RAP1GAP2: variants seen among roughly 807,000 people sequenced by gnomAD.
RAP1GAP2 encodes RAP1 GTPase activating protein 2.
A neutral mutation model predicts 95.0 loss-of-function variants in RAP1GAP2; 27 were observed. The observed-to-expected ratio is 0.28, with a 90% CI of 0.21 to 0.39. The LOEUF is 0.39. Among genes scored for constraint, RAP1GAP2 ranks in the 10% least tolerant of loss-of-function variants. RAP1GAP2 has a pLI of 1.00. For missense variants in RAP1GAP2, 771 were observed against 970.0 expected (o/e 0.79, Z 2.72); for synonymous variants, 373 against 380.9 (o/e 0.98, Z 0.24).
At chr17:2,962,593 A>G (rs990041597) in intron 4 of RAP1GAP2, 77 bp from the exon 5 acceptor site, 2 of 1,441,026 alleles carry the variant, frequency 1.4e-6, no homozygotes, top group Admixed American at 4.3e-5. Context: ...AACCCCCTGT[A>G]AGGCCAGGTG....
intron 2 of RAP1GAP2, among the ~76,000 whole-genome samples, chr17:2,865,860 C>G (rs1323466683): frequency 6.6e-6 from 1 of 152,246 alleles, no homozygotes. Context: ...GCATCTGCCC[C>G]TCTCTTTCCC....
At chr17:2,970,160 G>A (rs112071626) in intron 8 of RAP1GAP2, among the ~76,000 whole-genome samples, 25 of 151,722 alleles carry the variant, frequency 1.6e-4, no homozygotes, top group African/African-American at 5.8e-4. Context: ...TGTAACCCTA[G>A]CTACTCGGGA....
intron 17 of RAP1GAP2, among the ~76,000 whole-genome samples, chr17:3,015,072 C>A (rs959630221): frequency 2.0e-5 from 3 of 152,194 alleles, no homozygotes; most frequent in Admixed American, 1.3e-4. Flanking sequence ...TGTGCCACCA[C>A]CCCTGTCCTG....
rs540325159 is a variant in RAP1GAP2 at position 2,763,557 on chromosome 17, G to A, written c.51-6772G>A. On this transcript the variant is annotated intron_variant, in intron 1 of 25. Transcript: ENST00000637138. The stretch of plus-strand genomic sequence containing the variant: ...CTAAAAATGCACAAATTAGCTGGGC[G>A]TGGTGGCGGGTGCCTGTAATCCCAG... 7.9e-5 allele frequency among the ~76,000 whole-genome samples: 12 copies of A among 152,148 alleles called. No individual in the cohort carries two copies. The East Asian group carries it at 1.5e-3, about 20-fold the overall frequency.
chr17:2,882,646 T>G (rs1479707493), intron 2 of RAP1GAP2, among the ~76,000 whole-genome samples: 1 of 152,194 alleles, frequency 6.6e-6, no homozygotes, highest in Admixed American at 6.5e-5. Flanking sequence ...GATGGTTGAT[T>G]GGCTTTTCAT....
intron 16 of RAP1GAP2, among the ~76,000 whole-genome samples, chr17:3,006,848 G>A (rs2046357544): frequency 6.6e-6 from 1 of 151,776 alleles, no homozygotes; most frequent in Admixed American, 6.6e-5. Context: ...GTCGGGGGGT[G>A]GGGCAGGGGG....
At chr17:2,838,000 T>C (rs112307641) in intron 2 of RAP1GAP2, among the ~76,000 whole-genome samples, 21,935 of 145,988 alleles carry the variant, frequency 0.15, 1,883 homozygotes, top group Non-Finnish European at 0.18. Context: ...ATGATGTTCA[T>C]GTTCTTTCTT....
rs2072789306 is a variant in RAP1GAP2, at chr17:2,870,253, A to T, written c.81-35031A>T. ...TGCCTTAGCCTCCCGAGTAGCTGGG[A>T]TTACAGGCGCCCACCACCACACCTG... On this transcript the variant is annotated intron_variant, in intron 2 of 24. Coordinates refer to ENST00000254695, the MANE Select transcript of RAP1GAP2 (RefSeq NM_015085.5). This position sits in a 1 kb window ranked among gnomAD's most constrained non-coding sequence, Gnocchi z 4.4. Among the ~76,000 whole-genome samples, 1 of 151,338 alleles carries T rather than the reference A, an allele frequency of 6.6e-6. No individual in the cohort carries two copies.
chr17:2,866,563 A>G lies in RAP1GAP2; in HGVS notation c.81-38721A>G, dbSNP rs953935357. Reference sequence around the variant, plus strand: ...GTGAGGCAGTAGATAATACCCCCAAATGTCCCTTCTGATTGGTAATTTATT... The same window carrying G: ...GTGAGGCAGTAGATAATACCCCCAAGTGTCCCTTCTGATTGGTAATTTATT... On this transcript the variant is annotated intron_variant, in intron 2 of 24. Coordinates refer to ENST00000254695, the MANE Select transcript of RAP1GAP2 (RefSeq NM_015085.5). This position sits in a 1 kb window ranked among gnomAD's most constrained non-coding sequence, Gnocchi z 4.0. 3.9e-5 allele frequency among the ~76,000 whole-genome samples: 6 copies of G among 152,066 alleles called. No individual in the cohort carries two copies. Among genetic ancestry groups the G allele is most frequent in the Non-Finnish European group, 7.4e-5 (5 of 67,988 alleles).
chr17:2,884,150 G>A (rs972323703), intron 2 of RAP1GAP2, among the ~76,000 whole-genome samples: 1 of 152,198 alleles, frequency 6.6e-6, no homozygotes, highest in Non-Finnish European at 1.5e-5. Flanking sequence ...TGCATTGCAA[G>A]TGAGAAGCAT....
intron 14 of RAP1GAP2, among the ~76,000 whole-genome samples, chr17:2,999,307 G>A (rs938561529): frequency 6.6e-6 from 1 of 152,186 alleles, no homozygotes; most frequent in African/African-American, 2.4e-5. Context: ...ACTCAAGGGC[G>A]TTGGACTGAG....
At chr17:2,784,225 G>A (rs913247815) in intron 1 of RAP1GAP2, among the ~76,000 whole-genome samples, 13 of 151,650 alleles carry the variant, frequency 8.6e-5, no homozygotes, top group African/African-American at 2.9e-4. Flanking sequence ...TGTCCTCCTC[G>A]GCCTCCCAAA....
chr17:2,968,753 G>T (rs568923441), intron 8 of RAP1GAP2, among the ~76,000 whole-genome samples: 1 of 151,922 alleles, frequency 6.6e-6, no homozygotes, highest in South Asian at 2.1e-4. Context: ...TCTCGATTTG[G>T]GTCATCTCTC....
intron 2 of RAP1GAP2, among the ~76,000 whole-genome samples, chr17:2,888,924 A>T (rs2073595424): frequency 2.0e-5 from 3 of 151,640 alleles, no homozygotes; most frequent in African/African-American, 2.4e-5. Flanking sequence ...TGGCCTCCCA[A>T]AGTGTAGGAT....
At chr17:2,978,102 A>G (rs1268583279) in intron 8 of RAP1GAP2, among the ~76,000 whole-genome samples, 1 of 152,232 alleles carries the variant, frequency 6.6e-6, no homozygotes, top group East Asian at 1.9e-4. Flanking sequence ...TTGAGGTCCA[A>G]CAGCAAAACT....
chr17:3,020,696 T>C, intron 19 of RAP1GAP2, 101 bp downstream of exon 19: 2 of 1,072,286 alleles, frequency 1.9e-6, no homozygotes, highest in African/African-American at 1.6e-5. Context: ...GGAGGAGCTT[T>C]GCTCAGCTTT....
intron 22 of RAP1GAP2, 118 bp from the exon 23 acceptor site, chr17:3,030,791 GTCAGCTAGGGTGC>G: frequency 1.2e-6 from 1 of 830,162 alleles, no homozygotes. Flanking sequence ...GTCGGCACAG[GTCAGCTAGGGTGC>G]CTGGTCCTGG....
In RAP1GAP2 at chr17:2,790,532, G is replaced by A. The variant is rs538293559; in HGVS notation, c.-13-9983G>A. Among the ~76,000 whole-genome samples, 42 of 152,340 alleles carry A rather than the reference G, an allele frequency of 2.8e-4. 1 individual carries two copies. In the South Asian group the frequency reaches 8.1e-3, roughly 29 times the overall value. ...CAAAAGAGTAGGTCACCTGCCCCCAGTGACTTAGAGGTGGATCTGGGATGA... is the reference window on the plus strand; with the variant it reads ...CAAAAGAGTAGGTCACCTGCCCCCAATGACTTAGAGGTGGATCTGGGATGA... On this transcript the variant is annotated intron_variant, in intron 1 of 24. Coordinates refer to the RAP1GAP2 transcript ENST00000540393.
chr17:2,873,505 A>AG (rs2072943205), intron 2 of RAP1GAP2, among the ~76,000 whole-genome samples: 1 of 147,648 alleles, frequency 6.8e-6, no homozygotes. Context: ...AAAAAAAAAA[A>AG]AAAAAAGCAG....
Sources: allele counts gnomAD v4.1 joint callset (sites outside exome capture counted in the v4.1 genomes callset), GRCh38; gene constraint gnomAD v4.1.1; non-coding constraint Gnocchi (gnomAD v3.1); transcripts MANE v1.5; gene names NCBI Gene and HGNC (gene_info 2026-07-23, HGNC 2026-07-21).